The following SYT9 variants were observed in gnomAD, a reference collection of about 807,000 sequenced individuals.
The protein encoded by SYT9 is synaptotagmin-9.
Under a neutral mutation model 48.4 loss-of-function variants are expected in SYT9, and 22 were observed. That is an observed-to-expected ratio of 0.45 (90% CI 0.32 to 0.65). The LOEUF is 0.65. Among genes scored for constraint, SYT9 ranks in the 30% least tolerant of loss-of-function variants. SYT9 has a pLI of 0.03. For synonymous variants in SYT9, 265 were observed against 245.0 expected (o/e 1.08, Z -0.76); for missense variants, 577 against 622.0 (o/e 0.93, Z 0.77).
intron 1 of SYT9, among the ~76,000 whole-genome samples, chr11:7,240,661 C>T (rs866525353): frequency 1.3e-5 from 2 of 152,232 alleles, no homozygotes; most frequent in Middle Eastern, 3.4e-3. Context: ...AAACGAACTA[C>T]TACTTCAAAT....
In SYT9 at chr11:7,252,518, G is replaced by A. The variant is rs1847891736; in HGVS notation, c.145+187G>A. On this transcript the variant is annotated intron_variant, in intron 1 of 6. Transcript: ENST00000318881. This position sits in a 1 kb window ranked among gnomAD's most constrained non-coding sequence, Gnocchi z 6.3. ...CTGTAACCAGGCGGGGACCCGGGCG[G>A]TGGCTACTGCACGGAGGCCGACTCC... Among the ~76,000 whole-genome samples, 1 of 152,146 alleles carries A rather than the reference G, an allele frequency of 6.6e-6. No homozygotes were observed. The highest frequency in any genetic ancestry group is 2.4e-5 in the African/African-American group (1 of 41,434).
At chr11:7,412,876 G>A (rs185791407) in intron 3 of SYT9, among the ~76,000 whole-genome samples, 20 of 152,306 alleles carry the variant, frequency 1.3e-4, no homozygotes, top group South Asian at 4.1e-4. Context: ...TGAGTTGCCC[G>A]CACCTCAGAC....
intron 3 of SYT9, among the ~76,000 whole-genome samples, chr11:7,358,207 G>T (rs578259510): frequency 2.6e-4 from 39 of 152,000 alleles, no homozygotes; most frequent in Non-Finnish European, 4.6e-4. Flanking sequence ...AAAATCATAA[G>T]TTTTTTTAGA....
chr11:7,328,076 AAATAAT>A (rs200965699), intron 3 of SYT9, among the ~76,000 whole-genome samples: 37,299 of 72,226 alleles, frequency 0.52, 5,187 homozygotes, highest in Middle Eastern at 0.62. Context: ...GTATAATTAA[AAATAAT>A]AATAATAATA....
intron 1 of SYT9, among the ~76,000 whole-genome samples, chr11:7,281,785 A>G (rs1486078794): frequency 6.6e-6 from 1 of 152,218 alleles, no homozygotes; most frequent in East Asian, 1.9e-4. Flanking sequence ...ATGGTAATAG[A>G]ATAAGCTATA....
At chr11:7,310,881 A>G (rs968011640) in intron 2 of SYT9, among the ~76,000 whole-genome samples, 2 of 152,186 alleles carry the variant, frequency 1.3e-5, no homozygotes, top group Admixed American at 6.5e-5. Context: ...CTGGCAATCC[A>G]CTTTGGTTAG....
chr11:7,342,000 G>C (rs967030670), intron 3 of SYT9, among the ~76,000 whole-genome samples: 25 of 152,230 alleles, frequency 1.6e-4, no homozygotes, highest in Non-Finnish European at 3.4e-4. Flanking sequence ...AAAAACATCA[G>C]ATCTCATGCA....
At chr11:7,316,152 T>C (rs1183391110) in intron 3 of SYT9, among the ~76,000 whole-genome samples, 3 of 151,264 alleles carry the variant, frequency 2.0e-5, no homozygotes, top group Admixed American at 6.6e-5. Flanking sequence ...TATAATATAG[T>C]AAATATAATA....
chr11:7,341,636 A>T (rs1044723031), intron 3 of SYT9, among the ~76,000 whole-genome samples: 5 of 152,148 alleles, frequency 3.3e-5, no homozygotes, highest in Non-Finnish European at 7.3e-5. Flanking sequence ...ATTTCTTCAT[A>T]GCAGTATGAA....
intron 1 of SYT9, among the ~76,000 whole-genome samples, chr11:7,281,711 T>C (rs1848496173): frequency 6.6e-6 from 1 of 152,248 alleles, no homozygotes; most frequent in South Asian, 2.1e-4. Context: ...CCACCACTTT[T>C]GTGTAAATTC....
intron 1 of SYT9, among the ~76,000 whole-genome samples, chr11:7,261,794 A>G (rs1564839691): frequency 6.6e-6 from 1 of 152,152 alleles, no homozygotes; most frequent in African/African-American, 2.4e-5. Flanking sequence ...GCCAAGGGTT[A>G]GTATGACTGT....
intron 1 of SYT9, among the ~76,000 whole-genome samples, chr11:7,282,147 T>C (rs1351209752): frequency 2.6e-5 from 4 of 152,184 alleles, no homozygotes; most frequent in African/African-American, 7.2e-5. Flanking sequence ...AAGTAAAAAT[T>C]CTTATGGAGT....
intron 3 of SYT9, among the ~76,000 whole-genome samples, chr11:7,401,577 A>C (rs919644932): frequency 6.6e-6 from 1 of 151,500 alleles, no homozygotes; most frequent in Admixed American, 6.6e-5. Context: ...ATATAAGACT[A>C]CTCAAGCTAT....
chr11:7,258,871 TTTTTG>T lies in SYT9; in HGVS notation c.145+6542_145+6546del, dbSNP rs1848026767. On this transcript the variant is annotated intron_variant, in intron 1 of 6. Transcript: ENST00000318881. ...TTGTAGGCTAAATTTACTTTCTACT[TTTTTG>T]TAAACTTAGCATTTTATTACCTCTT... Among the ~76,000 whole-genome samples the T allele has an allele frequency of 2.0e-5, 3 of 152,242 alleles. No individual in the cohort carries two copies. In the South Asian group the frequency reaches 6.2e-4, roughly 32 times the overall value.
At position 7,313,465 on chromosome 11, in the gene SYT9, G is replaced by A. The variant is rs1849178638; in HGVS notation, c.568G>A (p.Glu190Lys). 1.9e-6 allele frequency: 3 copies of A among 1,613,940 alleles called. No homozygotes were observed. The highest frequency in any genetic ancestry group is 1.7e-5 in the Admixed American group (1 of 60,004). ...DFNIQQLQKQEQLTGIGRIKP... is the reference protein window; with the variant it reads ...DFNIQQLQKQKQLTGIGRIKP... ...CAATATCCAGCAGCTTCAAAAACAG[G>A]AACAGTTGACTGGAATTGGTAGAAT... is the stretch of plus-strand genomic sequence containing the variant. Residue 190 changes from glutamate (E) to lysine (K), a missense_variant, in exon 3 of 7, where the codon GAA becomes AAA. By Grantham distance (56) the Glu-to-Lys change is moderately conservative. Coordinates refer to ENST00000318881, the MANE Select transcript of SYT9 (RefSeq NM_175733.4).
In SYT9 at chr11:7,252,244, T is replaced by C. The variant is rs1188936389; in HGVS notation, c.58T>C (p.Cys20Arg). ...HQALQLLAEL[C>R]ARGALEHDSC... is the part of the protein sequence containing the mutation. ...GGCGCTGCAGCTGCTGGCCGAGCTC[T>C]GTGCCCGTGGGGCCCTGGAGCACGA... Residue 20 changes from cysteine (C) to arginine (R), a missense_variant, in exon 1 of 7, where the codon TGT becomes CGT. By Grantham distance (180) the Cys-to-Arg change is radical. Coordinates refer to ENST00000318881, the MANE Select transcript of SYT9 (RefSeq NM_175733.4). This position sits in a 1 kb window ranked among gnomAD's most constrained non-coding sequence, Gnocchi z 6.3. The C allele has an allele frequency of 6.6e-7, 1 of 1,504,908 alleles. No individual in the cohort carries two copies. The allele number at this position is 1,504,908 out of a possible 1,614,324, so 93.2% of individuals were successfully genotyped here. A position where few individuals can be genotyped will look rare whatever the true frequency, so the allele number is the denominator to read the frequency against.
At chr11:7,295,616 G>A (rs1223388621) in intron 1 of SYT9, among the ~76,000 whole-genome samples, 2 of 152,126 alleles carry the variant, frequency 1.3e-5, no homozygotes, top group Admixed American at 6.5e-5. Context: ...TTTCAAGCAT[G>A]CACCTCAAAA....
chr11:7,305,019 A>G (rs1849007232), intron 2 of SYT9, among the ~76,000 whole-genome samples: 1 of 152,186 alleles, frequency 6.6e-6, no homozygotes, highest in Admixed American at 6.5e-5. Flanking sequence ...AATTCTAACA[A>G]ACTGATAGCA....
At chr11:7,414,054 A>G (rs1327659180) in intron 3 of SYT9, among the ~76,000 whole-genome samples, 2 of 152,206 alleles carry the variant, frequency 1.3e-5, no homozygotes, top group African/African-American at 2.4e-5. Context: ...GGAGGAAAAC[A>G]AACAAACCAC....
Sources: allele counts gnomAD v4.1 joint callset (sites outside exome capture counted in the v4.1 genomes callset), GRCh38; gene constraint gnomAD v4.1.1; non-coding constraint Gnocchi (gnomAD v3.1); transcripts MANE v1.5; gene names NCBI Gene and HGNC (gene_info 2026-07-23, HGNC 2026-07-21).